Variants in EIF3F observed in about 807,000 individuals in gnomAD.
The protein encoded by EIF3F is deubiquitinating enzyme eIF3f.
In EIF3F, 8 loss-of-function variants were observed where a neutral mutation model predicts 36.0. The observed-to-expected ratio is 0.22, with a 90% confidence interval of 0.13 to 0.40. The LOEUF is 0.40. Ranked by LOEUF, EIF3F falls within the 10% of genes least tolerant of loss-of-function variation. EIF3F has a pLI of 1.00. For synonymous variants in EIF3F, 184 were observed against 188.5 expected (o/e 0.98, Z 0.19); for missense variants, 430 against 467.6 (o/e 0.92, Z 0.74).
Position 7,992,880 on chromosome 11 carries a change from T to C in EIF3F, c.516-7T>C. 5 of 1,613,946 alleles carry C rather than the reference T, an allele frequency of 3.1e-6. No individual in the cohort carries two copies. The South Asian group carries it at 3.3e-5, about 11-fold the overall frequency. On this transcript the variant is annotated splice_region_variant and splice_polypyrimidine_tract_variant and intron_variant, in intron 3 of 7. Transcript: ENST00000651655. ...ACAGGAGTCCACCACTGTGTTCCAT[T>C]TCACAGGTACGCTACGGGCCATGAC...
intron 3 of EIF3F, 180 bp from the exon 4 acceptor site, chr11:7,992,707 T>G: frequency 3.9e-6 from 3 of 774,900 alleles, no homozygotes; most frequent in Non-Finnish European, 6.4e-6. Context: ...TCATCAGCAC[T>G]AAGTCAGCCT....
At chr11:7,992,053 T>G (rs1942102727) in intron 2 of EIF3F, 31 bp from the exon 3 acceptor site, 2 of 1,609,626 alleles carry the variant, frequency 1.2e-6, no homozygotes, top group Non-Finnish European at 1.7e-6. Flanking sequence ...ACTTCTGGCT[T>G]CTTAGCTTGC....
chr11:7,992,021 T>G, intron 2 of EIF3F, 63 bp from the exon 3 acceptor site: 1 of 1,575,420 alleles, frequency 6.3e-7, no homozygotes, highest in Non-Finnish European at 8.7e-7. Context: ...CCTCTTGTCC[T>G]TTTTAACCAA....
At chr11:7,989,140 C>T (rs1446183226) in intron 1 of EIF3F, among the ~76,000 whole-genome samples, 1 of 152,244 alleles carries the variant, frequency 6.6e-6, no homozygotes, top group African/African-American at 2.4e-5. Context: ...CGGACCCTCA[C>T]TCCATTCTTA....
At chr11:7,992,446 C>T (rs776633858) in intron 3 of EIF3F, 2 of 473,186 alleles carry the variant, frequency 4.2e-6, no homozygotes, top group South Asian at 2.3e-5. Flanking sequence ...ATGACACACA[C>T]CTATAGTCCT....
chr11:7,997,550 G>A lies in EIF3F; in HGVS notation c.*1528G>A, dbSNP rs1942174279. On this transcript the variant is annotated 3_prime_UTR_variant, in exon 8 of 8. Transcript: ENST00000651655. ...CAATAAATGTATAAGTATTAAACTA[G>A]CCCAAGGAAAAATTGAATATTAAAA... 1.3e-5 allele frequency: 2 copies of A among 152,152 alleles called. 1 individual carries two copies. Among genetic ancestry groups the A allele is most frequent in the South Asian group, 4.1e-4 (2 of 4,826 alleles). 9.4% of individuals were successfully genotyped at this position (152,152 alleles called of 1,614,324 possible).
At chr11:7,988,882 C>T (rs372539221) in intron 1 of EIF3F, among the ~76,000 whole-genome samples, 144 of 152,362 alleles carry the variant, frequency 9.5e-4, no homozygotes, top group African/African-American at 3.4e-3. Flanking sequence ...AGTTGCCATT[C>T]ACATCAGGCC....
intron 1 of EIF3F, among the ~76,000 whole-genome samples, chr11:7,988,228 A>G (rs1942051373): frequency 6.6e-6 from 1 of 152,214 alleles, no homozygotes; most frequent in Admixed American, 6.5e-5. Flanking sequence ...TTTGTAAAAA[A>G]ACATTCCTCC....
intron 1 of EIF3F, among the ~76,000 whole-genome samples, chr11:7,990,839 C>G (rs904371289): frequency 6.7e-6 from 1 of 150,326 alleles, no homozygotes; most frequent in Non-Finnish European, 1.5e-5. Context: ...ACGTAGTGGT[C>G]TTAGGTCAAG....
intron 6 of EIF3F, 47 bp downstream of exon 6, chr11:7,995,165 C>T: frequency 6.2e-7 from 1 of 1,608,664 alleles, no homozygotes. Flanking sequence ...AGTTCTCTAT[C>T]CTGGGATCAC....
chr11:7,988,069 A>G (rs1805546719), intron 1 of EIF3F: 1 of 179,372 alleles, frequency 5.6e-6, no homozygotes, highest in Admixed American at 6.3e-5. Context: ...GCATCTACCA[A>G]AAATGAGTTC....
rs376569697 is a variant in EIF3F, at chr11:7,987,440, A to G, written c.88A>G (p.Thr30Ala). Residue 30 changes from threonine (T) to alanine (A), a missense_variant, in exon 1 of 8, where the codon ACG (threonine) becomes GCG (alanine). Thr to Ala is a moderately conservative substitution (Grantham distance 58). Coordinates refer to ENST00000651655, the MANE Select transcript of EIF3F (RefSeq NM_003754.3). ...AAAPASVPAP[T>A]PAPAAAPVPA... is the part of the protein sequence containing the mutation. ...GGCCCCAGCCTCAGTTCCAGCGCCA[A>G]CGCCAGCACCGGCTGCGGCTCCGGT... 9.5e-5 allele frequency: 153 copies of G among 1,602,714 alleles called. No homozygotes were observed. In the East Asian group the frequency reaches 1.8e-3, roughly 19 times the overall value.
At chr11:7,988,422 T>G (rs1942053702) in intron 1 of EIF3F, among the ~76,000 whole-genome samples, 1 of 152,224 alleles carries the variant, frequency 6.6e-6, no homozygotes, top group Non-Finnish European at 1.5e-5. Context: ...ATTTCTGCCC[T>G]TAACCTTCAG....
rs1033586880 is a variant in EIF3F at position 7,995,132 on chromosome 11, G to T, written c.882+14G>T. On this transcript the variant is annotated intron_variant, in intron 6 of 7. Transcript: ENST00000651655. ...GAGGATGTACTGGTGAGAGGGGAAA[G>T]AAAAAACAAAGGGGGAGGACATAGT... The T allele has an allele frequency of 5.5e-5, 89 of 1,611,414 alleles. No individual in the cohort carries two copies. The highest frequency in any genetic ancestry group is 7.2e-5 in the Non-Finnish European group (85 of 1,178,812).
At position 7,987,739 on chromosome 11, in the gene EIF3F, C is replaced by T. The variant is rs1167413180; in HGVS notation, c.364+23C>T. On this transcript the variant is annotated intron_variant, in intron 1 of 7. Coordinates refer to ENST00000651655, the MANE Select transcript of EIF3F (RefSeq NM_003754.3). ...TGGGTGAGTGGTCAGAGAAAGTTAA[C>T]ATTCTTTTCTTCCTCCCACTTCTCA... 7 of 1,481,712 alleles carry T rather than the reference C, an allele frequency of 4.7e-6. No homozygotes were observed. In the African/African-American group the frequency reaches 8.8e-5, roughly 19 times the overall value. The allele number at this position is 1,481,712 out of a possible 1,614,324, so 91.8% of individuals were successfully genotyped here.
chr11:7,990,314 A>G (rs1450621078), intron 1 of EIF3F, among the ~76,000 whole-genome samples: 1 of 152,230 alleles, frequency 6.6e-6, no homozygotes, highest in Non-Finnish European at 1.5e-5. Context: ...GGGGTTGGCA[A>G]ACTTTCTATA....
At position 7,992,972 on chromosome 11, in the gene EIF3F, A is replaced by C; in HGVS notation, c.601A>C (p.Thr201Pro). Residue 201 changes from threonine to proline, a missense_variant, in exon 4 of 8, where the codon ACT becomes CCT. Thr to Pro is a conservative substitution (Grantham distance 38, BLOSUM62 -1). This residue lies in a region of EIF3F where 262 missense variants were observed against 347.4 expected (regional missense o/e 0.75). Coordinates refer to ENST00000651655, the MANE Select transcript of EIF3F (RefSeq NM_003754.3). Reference sequence around the variant, plus strand: ...AGAGGCCCCCAACCCCATCCACCTCACTGTGGACACAAGTCTCCAGAACGG... The same window carrying C: ...AGAGGCCCCCAACCCCATCCACCTCCCTGTGGACACAAGTCTCCAGAACGG... ...SREAPNPIHLTVDTSLQNGRM... is the reference protein window; with the variant it reads ...SREAPNPIHLPVDTSLQNGRM... 1 of 1,612,226 alleles carries C rather than the reference A, an allele frequency of 6.2e-7. No homozygotes were observed. The highest frequency in any genetic ancestry group is 2.2e-5 in the East Asian group (1 of 44,776).
At chr11:7,994,244 G>A (rs1429039924) in intron 4 of EIF3F, among the ~76,000 whole-genome samples, 182 bp from the exon 5 acceptor site, 1 of 152,142 alleles carries the variant, frequency 6.6e-6, no homozygotes. Flanking sequence ...TTTGGTATGT[G>A]GGAAAAGCTA....
intron 1 of EIF3F, among the ~76,000 whole-genome samples, chr11:7,990,885 AAATAAATAAATAAAT>A (rs1220118856): frequency 2.7e-5 from 4 of 145,546 alleles, no homozygotes; most frequent in Admixed American, 7.3e-5. Flanking sequence ...ATAAATAAAT[AAATAAATAAATAAAT>A]AAAAGAAATA....
Sources: gnomAD v4.1 joint callset for allele counts (sites outside exome capture counted in the v4.1 genomes callset) on GRCh38, gnomAD v4.1.1 for gene constraint, gnomAD v4.1.1 regional missense constraint, MANE v1.5 for transcripts, NCBI Gene and HGNC (gene_info 2026-07-23, HGNC 2026-07-21) for gene names.